EIF4ENIF1: variants seen among roughly 807,000 people sequenced by gnomAD.
The protein encoded by EIF4ENIF1 is eukaryotic translation initiation factor 4E transporter.
EIF4ENIF1 carries 23 observed loss-of-function variants against 110.5 expected under a neutral mutation model. That is an observed-to-expected ratio of 0.21 (90% CI 0.15 to 0.29). The LOEUF (loss-of-function observed/expected upper bound fraction) is 0.29, where lower values mean the gene tolerates loss of function less well. Ranked by LOEUF, EIF4ENIF1 falls within the 10% of genes least tolerant of loss-of-function variation. The pLI is 1.00. For missense variants in EIF4ENIF1, 1,031 were observed against 1,221.1 expected (o/e 0.84, Z 2.32); for synonymous variants, 440 against 437.0 (o/e 1.01, Z -0.09).
intron 16 of EIF4ENIF1, among the ~76,000 whole-genome samples, 183 bp downstream of exon 16, chr22:31,442,779 G>A (rs1216907789): frequency 1.3e-5 from 2 of 152,178 alleles, no homozygotes; most frequent in Non-Finnish European, 2.9e-5. Context: ...CCAAGCAATT[G>A]TGAGCTGGCC....
chr22:31,437,258 A>T (rs1431008590), downstream of EIF4ENIF1: 2 of 152,200 alleles, frequency 1.3e-5, no homozygotes, highest in Non-Finnish European at 2.9e-5. Context: ...TTTTACTTTC[A>T]GGATGCCTTC....
chr22:31,488,821 T>A (rs1333707021), intron 1 of EIF4ENIF1, 76 bp from the exon 2 acceptor site: 1 of 1,476,390 alleles, frequency 6.8e-7, no homozygotes, highest in Non-Finnish European at 9.0e-7. Flanking sequence ...CTTCAGAAGC[T>A]GAAACTTTTT....
At chr22:31,440,365 G>C (rs187621483) in intron 18 of EIF4ENIF1, among the ~76,000 whole-genome samples, 32 of 152,154 alleles carry the variant, frequency 2.1e-4, no homozygotes, top group Non-Finnish European at 3.4e-4. Flanking sequence ...TCATGGCTAA[G>C]TAACCACATC....
At chr22:31,465,059 C>A (rs2051138626) in intron 4 of EIF4ENIF1, among the ~76,000 whole-genome samples, 1 of 151,956 alleles carries the variant, frequency 6.6e-6, no homozygotes. Flanking sequence ...CCCAGTGGCT[C>A]ACGCCTGTAA....
chr22:31,442,575 C>T (rs935666219), intron 16 of EIF4ENIF1, among the ~76,000 whole-genome samples: 2 of 152,272 alleles, frequency 1.3e-5, no homozygotes, highest in Admixed American at 1.3e-4. Context: ...AAGCCTCTCA[C>T]ATATTTTCTA....
chr22:31,452,359 G>T (rs988046964), intron 10 of EIF4ENIF1, among the ~76,000 whole-genome samples: 1 of 152,156 alleles, frequency 6.6e-6, no homozygotes, highest in African/African-American at 2.4e-5. Flanking sequence ...AGCTGAGTTT[G>T]TCTTAGCCTT....
intron 10 of EIF4ENIF1, chr22:31,450,843 CTACA>C (rs760834080): frequency 4.1e-5 from 4 of 96,880 alleles, no homozygotes; most frequent in South Asian, 2.7e-4. Flanking sequence ...TATATATATA[CTACA>C]CACACACACA....
At chr22:31,444,078 G>A (rs1480923398) in intron 15 of EIF4ENIF1, among the ~76,000 whole-genome samples, 2 of 152,158 alleles carry the variant, frequency 1.3e-5, no homozygotes, top group East Asian at 1.9e-4. Flanking sequence ...GATTACAGGC[G>A]TGAGCCACCA....
At chr22:31,452,930 T>C (rs2145940661) in intron 10 of EIF4ENIF1, among the ~76,000 whole-genome samples, 1 of 152,294 alleles carries the variant, frequency 6.6e-6, no homozygotes, top group Middle Eastern at 3.4e-3. Context: ...AGATAAGGAA[T>C]GCTAAAAGTC....
At chr22:31,440,228 T>C in intron 18 of EIF4ENIF1, 107 bp from the exon 19 acceptor site, 1 of 1,504,854 alleles carries the variant, frequency 6.6e-7, no homozygotes, top group East Asian at 2.3e-5. Flanking sequence ...GAGGATTTTT[T>C]CTAGGGCTTC....
rs778198365 is a variant in EIF4ENIF1, at chr22:31,440,723, T to C, written c.2697A>G (p.Gln899=). The change falls in exon 18 of 19, where the codon CAA becomes CAG. Residue 899 remains glutamine, a synonymous_variant. Coordinates refer to ENST00000330125, the MANE Select transcript of EIF4ENIF1 (RefSeq NM_019843.4). ...PGTPLHLAMV[Q]QQLQRSVLHP... The stretch of plus-strand genomic sequence containing the variant: ...ACCTACCTGAGCGCTGTAGCTGCTG[T>C]TGCACCATTGCCAGATGCAGAGGTG... 54 of 1,613,830 alleles carry C rather than the reference T, an allele frequency of 3.3e-5. No homozygotes were observed. Among genetic ancestry groups the C allele is most frequent in the Non-Finnish European group, 3.9e-5 (46 of 1,179,864 alleles).
chr22:31,441,629 G>A, intron 17 of EIF4ENIF1, 145 bp downstream of exon 17: 1 of 649,564 alleles, frequency 1.5e-6, no homozygotes, highest in Non-Finnish European at 2.6e-6. Flanking sequence ...GACTGGATTG[G>A]GCCCACTGCC....
intron 4 of EIF4ENIF1, among the ~76,000 whole-genome samples, chr22:31,464,416 C>T (rs1350569718): frequency 3.3e-5 from 5 of 151,826 alleles, no homozygotes; most frequent in African/African-American, 1.2e-4. Context: ...CATGGTGGCT[C>T]ACGCCTATAA....
Position 31,439,818 on chromosome 22 carries a change from A to T in EIF4ENIF1, c.*62T>A. 2 of 1,584,432 alleles carry T rather than the reference A, an allele frequency of 1.3e-6. No homozygotes were observed. Among genetic ancestry groups the T allele is most frequent in the South Asian group, 2.3e-5 (2 of 87,902 alleles). The stretch of plus-strand genomic sequence containing the variant: ...AAAGCCCATAAACCAACCCGAGATG[A>T]AGCAGGGTCCTGCCCAGTGTGCCAC... On this transcript the variant is annotated 3_prime_UTR_variant, in exon 19 of 19. Transcript: ENST00000330125.
At chr22:31,454,118 G>A in intron 10 of EIF4ENIF1, 26 bp downstream of exon 10, 2 of 1,592,886 alleles carry the variant, frequency 1.3e-6, no homozygotes, top group Non-Finnish European at 1.7e-6. Context: ...GGAGAAAAGG[G>A]TGGGGGGTTT....
chr22:31,456,011 T>C (rs1360452366), intron 7 of EIF4ENIF1, 24 bp from the exon 8 acceptor site: 7 of 1,609,164 alleles, frequency 4.4e-6, no homozygotes, highest in Non-Finnish European at 5.9e-6. Flanking sequence ...CAATAAAAAC[T>C]AATAGTTTCT....
chr22:31,460,806 C>T (rs2050968171), intron 6 of EIF4ENIF1, among the ~76,000 whole-genome samples: 1 of 151,510 alleles, frequency 6.6e-6, no homozygotes, highest in African/African-American at 2.4e-5. Context: ...TTTAGCTGGG[C>T]GTGGTGGTGG....
At chr22:31,482,847 C>T (rs2051871824) in intron 2 of EIF4ENIF1, among the ~76,000 whole-genome samples, 1 of 149,686 alleles carries the variant, frequency 6.7e-6, no homozygotes, top group South Asian at 2.1e-4. Flanking sequence ...CATGGTGAAA[C>T]CCCATCTCTA....
chr22:31,468,247 G>C lies in EIF4ENIF1; in HGVS notation c.226C>G (p.Arg76Gly). Residue 76 changes from arginine (R) to glycine (G), a missense_variant, in exon 4 of 19, where the codon CGG becomes GGG. Around this residue, in one of 3 missense-constraint regions of EIF4ENIF1, gnomAD observed 704 missense variants for 879.7 expected, o/e 0.80. Coordinates refer to ENST00000330125, the MANE Select transcript of EIF4ENIF1 (RefSeq NM_019843.4). ...TTCAGACTTTCCACTGGTGAGCTCC[G>C]CCCTGAAGCTGGGTAGAGAGAGGCA... ...WHASLYPASG[R>G]SSPVESLKKE... is the part of the protein sequence containing the mutation. 3.1e-6 allele frequency: 5 copies of C among 1,614,136 alleles called. No individual in the cohort carries two copies. Among genetic ancestry groups the C allele is most frequent in the Non-Finnish European group, 4.2e-6 (5 of 1,180,020 alleles).
Sources: gnomAD v4.1 joint callset for allele counts (sites outside exome capture counted in the v4.1 genomes callset) on GRCh38, gnomAD v4.1.1 for gene constraint, gnomAD v4.1.1 regional missense constraint, MANE v1.5 for transcripts, NCBI Gene and HGNC (gene_info 2026-07-23, HGNC 2026-07-21) for gene names.